Variants in WDR59 observed in about 807,000 individuals in gnomAD.
The protein encoded by WDR59 is WD repeat domain 59, also known as GATOR2 complex protein WDR59.
A neutral mutation model predicts 131.2 loss-of-function variants in WDR59; 100 were observed. The ratio of observed to expected loss-of-function variants is 0.76; its 90% CI spans 0.65 to 0.90. The LOEUF is 0.90. Among genes scored for constraint, WDR59 ranks in the 40% least tolerant of loss-of-function variants. The pLI is 0.00. For synonymous variants in WDR59, 601 were observed against 466.2 expected (o/e 1.29, Z -3.72); for missense variants, 1,203 against 1,262.2 (o/e 0.95, Z 0.71).
intron 1 of WDR59, among the ~76,000 whole-genome samples, chr16:74,970,192 G>C (rs1055399991): frequency 1.4e-4 from 21 of 152,102 alleles, no homozygotes; most frequent in African/African-American, 5.1e-4. Flanking sequence ...TCAAAGATCA[G>C]TTGGTTGTAG....
rs765848427 is a variant in WDR59, at chr16:74,886,239, C to T, written c.2546+31G>A. On this transcript the variant is annotated intron_variant, in intron 24 of 25. Transcript: ENST00000262144. Reference sequence around the variant, plus strand: ...ACTGGAGTCCTGCCTGGAGTCCTGGCATTGCAGCTCTCACCTGGGAGGGTG... The same window carrying T: ...ACTGGAGTCCTGCCTGGAGTCCTGGTATTGCAGCTCTCACCTGGGAGGGTG... 5.6e-6 allele frequency: 9 copies of T among 1,599,856 alleles called. No individual in the cohort carries two copies. In the East Asian group the frequency reaches 1.8e-4, roughly 32 times the overall value.
chr16:74,983,547 T>C (rs1444462739), intron 1 of WDR59, among the ~76,000 whole-genome samples: 1 of 151,942 alleles, frequency 6.6e-6, no homozygotes, highest in East Asian at 1.9e-4. Flanking sequence ...GAAGAGGGGA[T>C]GTATATGACC....
In WDR59 at chr16:74,916,011, G is replaced by A; in HGVS notation, c.1100-17C>T. On this transcript the variant is annotated splice_polypyrimidine_tract_variant and intron_variant, in intron 12 of 25. Transcript: ENST00000262144. Reference sequence around the variant, plus strand: ...CTTTTAGGGCTAGCAGGAGAGAGAAGTTCAATGTTGGAAAGCATTTTTGAA... The same window carrying A: ...CTTTTAGGGCTAGCAGGAGAGAGAAATTCAATGTTGGAAAGCATTTTTGAA... 4.3e-6 allele frequency: 7 copies of A among 1,614,154 alleles called. No homozygotes were observed. The highest frequency in any genetic ancestry group is 5.9e-6 in the Non-Finnish European group (7 of 1,180,022).
chr16:74,888,926 G>A (rs1049878801), intron 21 of WDR59, among the ~76,000 whole-genome samples: 1 of 152,170 alleles, frequency 6.6e-6, no homozygotes, highest in African/African-American at 2.4e-5. Context: ...AATCAGAGGG[G>A]CTTTGCCTTT....
chr16:74,964,754 C>G (rs950517385), intron 2 of WDR59, among the ~76,000 whole-genome samples: 2 of 151,340 alleles, frequency 1.3e-5, no homozygotes, highest in Non-Finnish European at 2.9e-5. Context: ...CCATGACCAT[C>G]AAAAAAAAAT....
chr16:74,920,742 G>A (rs904221670), intron 10 of WDR59, among the ~76,000 whole-genome samples: 3 of 152,126 alleles, frequency 2.0e-5, no homozygotes, highest in African/African-American at 7.2e-5. Context: ...GGTTTATCGG[G>A]ACATAACCCC....
chr16:74,976,195 C>T (rs79075048), intron 1 of WDR59, among the ~76,000 whole-genome samples: 3,550 of 152,164 alleles, frequency 0.023, 50 homozygotes, highest in South Asian at 0.047. Flanking sequence ...TATAATTTTG[C>T]TCCTAGCCAA....
intron 18 of WDR59, among the ~76,000 whole-genome samples, chr16:74,901,232 G>A (rs2144874142): frequency 6.6e-6 from 1 of 151,970 alleles, no homozygotes; most frequent in East Asian, 1.9e-4. Flanking sequence ...AACATAGCAA[G>A]ACCTCATCTC....
intron 8 of WDR59, among the ~76,000 whole-genome samples, chr16:74,927,197 T>C (rs2030901707): frequency 6.6e-6 from 1 of 152,246 alleles, no homozygotes; most frequent in Non-Finnish European, 1.5e-5. Flanking sequence ...TTGAAAAGTT[T>C]AGATGGCATA....
chr16:74,886,190 A>AAAAAAAAAAAAAAAAT, intron 24 of WDR59, 80 bp downstream of exon 24: 20 of 1,448,700 alleles, frequency 1.4e-5, no homozygotes, highest in Admixed American at 2.1e-5. Context: ...AAAAAAAAAA[A>AAAAAAAAAAAAAAAAT]GTAAGAGTTG....
At chr16:74,902,438 T>TAA (rs5817931) in intron 18 of WDR59, among the ~76,000 whole-genome samples, 3,868 of 151,900 alleles carry the variant, frequency 0.025, 72 homozygotes, top group Non-Finnish European at 0.04. Context: ...GTGTTTGTAG[T>TAA]AAAAAAGGCC....
chr16:74,957,071 C>CT (rs909344421), intron 2 of WDR59, among the ~76,000 whole-genome samples: 8 of 140,098 alleles, frequency 5.7e-5, no homozygotes, highest in Non-Finnish European at 7.6e-5. Context: ...TCTTGAATAT[C>CT]TTTTTTTTTC....
At chr16:74,901,720 A>G (rs1403301183) in intron 18 of WDR59, among the ~76,000 whole-genome samples, 1 of 152,150 alleles carries the variant, frequency 6.6e-6, no homozygotes, top group African/African-American at 2.4e-5. Context: ...AATCATTTCC[A>G]GAACAAAAGC....
At chr16:74,895,637 G>A (rs1965263468) in intron 18 of WDR59, among the ~76,000 whole-genome samples, 1 of 152,198 alleles carries the variant, frequency 6.6e-6, no homozygotes, top group South Asian at 2.1e-4. Flanking sequence ...TGCAATACAA[G>A]GGGAAGCTTT....
In WDR59 at chr16:74,893,697, G is replaced by C; in HGVS notation, c.1982C>G (p.Ser661Trp). The C allele has an allele frequency of 6.2e-7, 1 of 1,614,090 alleles. No individual in the cohort carries two copies. ...TACTTACATGTACAGCTCTCCCAGC[G>C]ATTTGTGAACAGGCAGGAGGCAAGC... The part of the protein sequence containing the change: ...DIACLLPVHK[S>W]LGELYILNVN... Residue 661 changes from serine to tryptophan, a missense_variant, in exon 19 of 26, where the codon TCG becomes TGG. Physicochemically the swap from Ser to Trp is radical, Grantham distance 177. Transcript: ENST00000262144.
intron 8 of WDR59, among the ~76,000 whole-genome samples, chr16:74,928,697 T>G (rs889531921): frequency 6.6e-6 from 1 of 151,654 alleles, no homozygotes; most frequent in Non-Finnish European, 1.5e-5. Context: ...AGGTCAGGAG[T>G]TCGAGACCAG....
At chr16:74,969,338 T>C (rs1048086977) in intron 1 of WDR59, among the ~76,000 whole-genome samples, 2 of 150,474 alleles carry the variant, frequency 1.3e-5, no homozygotes, top group Non-Finnish European at 3.0e-5. Context: ...AATGGCACGA[T>C]CTTGGCTCAC....
At chr16:74,948,674 G>T (rs2032801441) in intron 5 of WDR59, 118 bp from the exon 6 acceptor site, 3 of 837,698 alleles carry the variant, frequency 3.6e-6, no homozygotes, top group South Asian at 1.4e-5. Flanking sequence ...GGAGTAGGTA[G>T]ATCCGCTGTG....
rs372395565 is a variant in WDR59, at chr16:74,908,924, T to A, written c.1696A>T (p.Thr566Ser). Residue 566 changes from threonine (T) to serine (S), a missense_variant, in exon 17 of 26, where the codon ACA (threonine) becomes TCA (serine). Transcript: ENST00000262144. The stretch of plus-strand genomic sequence containing the variant: ...CTGACTCACCTCGGAGTAGGCTCTG[T>A]GGGAGACACCGCCCGATGCATTGTC... ...PMTMHRAVSP[T>S]EPTPRSLSAL... 27 of 1,613,996 alleles carry A rather than the reference T, an allele frequency of 1.7e-5. No homozygotes were observed. The highest frequency in any genetic ancestry group is 2.2e-5 in the Non-Finnish European group (26 of 1,180,004).
Sources: allele counts gnomAD v4.1 joint callset (sites outside exome capture counted in the v4.1 genomes callset), GRCh38; gene constraint gnomAD v4.1.1; transcripts MANE v1.5; gene names NCBI Gene and HGNC (gene_info 2026-07-23, HGNC 2026-07-21).